CNTNAP2: variants seen among roughly 807,000 people sequenced by gnomAD.
CNTNAP2 encodes contactin-associated protein-like 2.
In CNTNAP2, 98 loss-of-function variants were observed where a neutral mutation model predicts 155.2. The ratio of observed to expected loss-of-function variants is 0.63; its 90% CI spans 0.54 to 0.75. The LOEUF (loss-of-function observed/expected upper bound fraction) is 0.75. Among genes scored for constraint, CNTNAP2 ranks in the 30% least tolerant of loss-of-function variants. The pLI is 0.00. For missense variants in CNTNAP2, 1,727 were observed against 1,688.1 expected, an observed-to-expected ratio of 1.02 and a Z score of -0.40; for synonymous variants, 651 against 631.2, an observed-to-expected ratio of 1.03 and a Z score of -0.47.
intron 8 of CNTNAP2, among the ~76,000 whole-genome samples, chr7:147,262,697 T>C (rs934391555): frequency 1.3e-5 from 2 of 152,206 alleles, no homozygotes; most frequent in African/African-American, 2.4e-5. Context: ...TCCCAGCTAC[T>C]CAGGAGGCTG....
chr7:147,900,877 C>A (rs778893745), intron 13 of CNTNAP2, among the ~76,000 whole-genome samples: 12 of 152,186 alleles, frequency 7.9e-5, no homozygotes, highest in Non-Finnish European at 1.3e-4. Context: ...CCTGATAGTT[C>A]CTAAAACATA....
At chr7:147,885,227 G>A (rs57536589) in intron 13 of CNTNAP2, among the ~76,000 whole-genome samples, 41 of 152,090 alleles carry the variant, frequency 2.7e-4, no homozygotes, top group Admixed American at 1.0e-3. Flanking sequence ...AAGAGGCCAG[G>A]TCAGAAAGTC....
rs35867113 is a variant in CNTNAP2 at position 148,137,669 on chromosome 7, A to AAAGGAAGGAAGG, written c.2555-9765_2555-9754dup. On this transcript the variant is annotated intron_variant, in intron 16 of 23. Coordinates refer to ENST00000361727, the MANE Select transcript of CNTNAP2 (RefSeq NM_014141.6). ...AGAGCAAAAGTCTATCTCAGAAAAAAAAGGAAGGAAGGAAGGAAGGAAGGA... is the reference window on the plus strand; with the variant it reads ...AGAGCAAAAGTCTATCTCAGAAAAAAAAGGAAGGAAGGAAGGAAGGAAGGAAGGAAGGAAGGA... Among the ~76,000 whole-genome samples the AAAGGAAGGAAGG allele has an allele frequency of 7.5e-3, 813 of 107,702 alleles. 10 individuals carry two copies. The highest frequency in any genetic ancestry group is 0.012 in the Admixed American group (112 of 9,022). 70.7% of individuals were successfully genotyped at this position (107,702 alleles called of 152,430 possible). A position where few individuals can be genotyped will look rare whatever the true frequency, so the allele number is the denominator to read the frequency against.
chr7:146,510,739 A>G (rs1797453016), intron 1 of CNTNAP2, among the ~76,000 whole-genome samples: 1 of 149,910 alleles, frequency 6.7e-6, no homozygotes, highest in African/African-American at 2.5e-5. Context: ...TTTTTCTTGT[A>G]GCTATTGTAA....
chr7:148,169,996 AG>A (rs1273106346), intron 17 of CNTNAP2, among the ~76,000 whole-genome samples: 2 of 152,212 alleles, frequency 1.3e-5, no homozygotes, highest in African/African-American at 4.8e-5. Flanking sequence ...AAGTGCAAAA[AG>A]CAAGTTTCAA....
intron 8 of CNTNAP2, among the ~76,000 whole-genome samples, chr7:147,164,747 C>T (rs1353909875): frequency 6.6e-6 from 1 of 152,124 alleles, no homozygotes; most frequent in Non-Finnish European, 1.5e-5. Flanking sequence ...TAAATATGCG[C>T]TTTTCAAATT....
intron 1 of CNTNAP2, among the ~76,000 whole-genome samples, chr7:146,261,695 C>T (rs905085482): frequency 2.0e-5 from 3 of 151,974 alleles, no homozygotes; most frequent in Non-Finnish European, 4.4e-5. Flanking sequence ...TTGTAGTCTG[C>T]AAAGGTTGTA....
At chr7:147,911,492 G>A (rs1800066969) in intron 14 of CNTNAP2, among the ~76,000 whole-genome samples, 1 of 152,130 alleles carries the variant, frequency 6.6e-6, no homozygotes, top group Admixed American at 6.5e-5. Context: ...ACAGAAATGA[G>A]GAAGAGATTT....
chr7:147,112,911 A>G (rs1381485966), intron 5 of CNTNAP2, among the ~76,000 whole-genome samples: 1 of 152,138 alleles, frequency 6.6e-6, no homozygotes, highest in African/African-American at 2.4e-5. Flanking sequence ...AGAGTGTGCT[A>G]GAGAGGAGTC....
chr7:146,853,234 AT>A, intron 3 of CNTNAP2, among the ~76,000 whole-genome samples: 1 of 152,226 alleles, frequency 6.6e-6, no homozygotes, highest in Non-Finnish European at 1.5e-5. Context: ...TTCTTGAAAT[AT>A]TAATAGAAGT....
intron 9 of CNTNAP2, among the ~76,000 whole-genome samples, chr7:147,385,578 A>G (rs1796610377): frequency 6.6e-6 from 1 of 152,264 alleles, no homozygotes; most frequent in Non-Finnish European, 1.5e-5. Flanking sequence ...TTAAAGCTCC[A>G]AAATGTGTCC....
chr7:146,725,085 G>A (rs114487850), intron 1 of CNTNAP2, among the ~76,000 whole-genome samples: 6,168 of 152,010 alleles, frequency 0.041, 426 homozygotes, highest in African/African-American at 0.14. Flanking sequence ...TTAGTCCTTC[G>A]TGGACCTTCA....
intron 1 of CNTNAP2, among the ~76,000 whole-genome samples, chr7:146,514,527 C>T (rs1474920283): frequency 6.6e-6 from 1 of 152,038 alleles, no homozygotes; most frequent in Non-Finnish European, 1.5e-5. Flanking sequence ...ATGCATTTTT[C>T]ATCTAATTCA....
At position 147,132,323 on chromosome 7, in the gene CNTNAP2, G is replaced by A. The variant is rs775430816; in HGVS notation, c.1162G>A (p.Gly388Arg). The change falls in exon 8 of 24, where the codon GGA (glycine) becomes AGA (arginine). Residue 388 changes from glycine (G) to arginine (R), a missense_variant. Gly to Arg is a moderately radical substitution (Grantham distance 125). Coordinates refer to ENST00000361727, the MANE Select transcript of CNTNAP2 (RefSeq NM_014141.6). Reference protein sequence around the residue: ...FNATSYLEVPGRLNQDLFSVS... With the variant: ...FNATSYLEVPRRLNQDLFSVS... ...CGCTACAAGTTACCTGGAGGTGCCC[G>A]GACGGCTTAACCAGGACCTGTTCTC... 57 of 1,613,506 alleles carry A rather than the reference G, an allele frequency of 3.5e-5. No homozygotes were observed. In the East Asian group the frequency reaches 1.0e-3, roughly 30 times the overall value.
intron 12 of CNTNAP2, among the ~76,000 whole-genome samples, chr7:147,571,225 T>C (rs528982465): frequency 6.7e-6 from 1 of 149,916 alleles, no homozygotes; most frequent in Non-Finnish European, 1.5e-5. Context: ...ACCCATTAAC[T>C]CCTCATTTAG....
chr7:146,383,417 T>G (rs1034629073), intron 1 of CNTNAP2, among the ~76,000 whole-genome samples: 2 of 152,100 alleles, frequency 1.3e-5, no homozygotes, highest in African/African-American at 4.8e-5. Context: ...AGGTAGCTGG[T>G]TTTTAACGGC....
At chr7:146,816,323 G>A (rs1046418112) in intron 2 of CNTNAP2, among the ~76,000 whole-genome samples, 15 of 152,118 alleles carry the variant, frequency 9.9e-5, no homozygotes, top group African/African-American at 3.1e-4. Context: ...AGGTAGAGAG[G>A]AGGCAGAGAA....
At chr7:148,264,692 T>G (rs1036960624) in intron 20 of CNTNAP2, among the ~76,000 whole-genome samples, 1 of 152,114 alleles carries the variant, frequency 6.6e-6, no homozygotes, top group Non-Finnish European at 1.5e-5. Context: ...CAAATTTAGT[T>G]TTTTGTTTTG....
At chr7:146,186,404 A>C (rs938982244) in intron 1 of CNTNAP2, among the ~76,000 whole-genome samples, 2 of 152,130 alleles carry the variant, frequency 1.3e-5, no homozygotes, top group African/African-American at 2.4e-5. Flanking sequence ...ATACGCTTTA[A>C]ATTTGATTTG....
Sources: allele counts gnomAD v4.1 joint callset (sites outside exome capture counted in the v4.1 genomes callset), GRCh38; gene constraint gnomAD v4.1.1; transcripts MANE v1.5; gene names NCBI Gene and HGNC (gene_info 2026-07-23, HGNC 2026-07-21).